LTBP1: variants seen among roughly 807,000 people sequenced by gnomAD.
LTBP1 encodes the protein latent transforming growth factor beta binding protein 1.
LTBP1 carries 129 observed loss-of-function variants against 207.6 expected under a neutral mutation model. The ratio of observed to expected loss-of-function variants is 0.62; its 90% CI spans 0.54 to 0.72. LTBP1 has a LOEUF of 0.72. Among genes scored for constraint, LTBP1 ranks in the 30% least tolerant of loss-of-function variants. The pLI is 0.00. For synonymous variants in LTBP1, 963 were observed against 833.7 expected, an observed-to-expected ratio of 1.16 and a Z score of -2.67; for missense variants, 2,281 against 2,217.2, an observed-to-expected ratio of 1.03 and a Z score of -0.58.
chr2:33,228,168 A>G (rs1346848805), intron 9 of LTBP1, among the ~76,000 whole-genome samples: 2 of 152,184 alleles, frequency 1.3e-5, no homozygotes, highest in Admixed American at 6.5e-5. Flanking sequence ...AATAAAACCA[A>G]CATATTTGTA....
At chr2:33,342,173 A>C (rs188347102) in intron 24 of LTBP1, among the ~76,000 whole-genome samples, 1 of 152,246 alleles carries the variant, frequency 6.6e-6, no homozygotes, top group Non-Finnish European at 1.5e-5. Context: ...TGAGAAAAAA[A>C]GGCAGAAGAT....
chr2:33,220,643 G>GA (rs2091044388), intron 8 of LTBP1, among the ~76,000 whole-genome samples: 1 of 152,206 alleles, frequency 6.6e-6, no homozygotes, highest in Non-Finnish European at 1.5e-5. Flanking sequence ...GATGACTGCT[G>GA]AAAGTTCTAA....
At chr2:33,096,556 A>G (rs912351074) in intron 3 of LTBP1, among the ~76,000 whole-genome samples, 11 of 152,336 alleles carry the variant, frequency 7.2e-5, no homozygotes, top group Middle Eastern at 3.4e-3. Flanking sequence ...AAGAACGACA[A>G]CAGGATCATT....
Position 32,947,166 on chromosome 2 carries a change from C to A in LTBP1, c.-159C>A, listed in dbSNP as rs1242572108. On this transcript the variant is annotated 5_prime_UTR_variant, in exon 1 of 34. Transcript: ENST00000404816. Reference sequence around the variant, plus strand: ...CGGGGTCTGGGGCCGCTCAGCTGCCCGCAGAGCCTCCTCCCTCGCCACCGA... The same window carrying A: ...CGGGGTCTGGGGCCGCTCAGCTGCCAGCAGAGCCTCCTCCCTCGCCACCGA... 3.6e-5 allele frequency: 16 copies of A among 445,792 alleles called. No homozygotes were observed. Among genetic ancestry groups the A allele is most frequent in the African/African-American group, 2.9e-4 (14 of 48,574 alleles). The allele number at this position is 445,792 out of a possible 1,614,324, so 27.6% of individuals were successfully genotyped here.
At chr2:33,024,078 TATTC>T (rs2075301609) in intron 3 of LTBP1, among the ~76,000 whole-genome samples, 1 of 152,254 alleles carries the variant, frequency 6.6e-6, no homozygotes, top group Non-Finnish European at 1.5e-5. Flanking sequence ...CTTGATCACT[TATTC>T]AACAAGTTTT....
intron 31 of LTBP1, among the ~76,000 whole-genome samples, chr2:33,376,518 CCT>C (rs2095141425): frequency 6.6e-6 from 1 of 152,218 alleles, no homozygotes. Flanking sequence ...GGACCTGCAT[CCT>C]CTCAGTAATG....
intron 19 of LTBP1, among the ~76,000 whole-genome samples, chr2:33,289,604 A>G (rs2093734419): frequency 6.6e-6 from 1 of 152,182 alleles, no homozygotes; most frequent in Admixed American, 6.5e-5. Flanking sequence ...GTCCTCAAGC[A>G]GCCCTCCCAC....
intron 3 of LTBP1, among the ~76,000 whole-genome samples, chr2:33,057,415 G>A (rs403970): frequency 0.88 from 134,577 of 152,196 alleles, 61,639 homozygotes; most frequent in East Asian, 1. Flanking sequence ...CCAGTCCCGC[G>A]CCATGCGCCT....
chr2:33,108,204 T>A (rs760202789), intron 3 of LTBP1, among the ~76,000 whole-genome samples: 78 of 151,778 alleles, frequency 5.1e-4, no homozygotes, highest in Non-Finnish European at 6.2e-4. Flanking sequence ...GTCCTGTCCG[T>A]GGCCTTGCTT....
At chr2:33,346,332 A>G (rs2094700582) in intron 25 of LTBP1, among the ~76,000 whole-genome samples, 1 of 152,214 alleles carries the variant, frequency 6.6e-6, no homozygotes, top group Non-Finnish European at 1.5e-5. Context: ...AAAGTTTTTA[A>G]GTGAACTTAA....
chr2:33,343,139 C>T (rs2094651442), intron 25 of LTBP1, among the ~76,000 whole-genome samples, 176 bp downstream of exon 25: 1 of 152,056 alleles, frequency 6.6e-6, no homozygotes, highest in Non-Finnish European at 1.5e-5. Flanking sequence ...GCATGGCTCA[C>T]GGTTGTAACC....
At chr2:33,119,615 G>A (rs944098566) in intron 4 of LTBP1, among the ~76,000 whole-genome samples, 5 of 152,134 alleles carry the variant, frequency 3.3e-5, no homozygotes, top group Non-Finnish European at 7.4e-5. Context: ...GGAGTGGAGT[G>A]GTGCGATCTT....
rs768138369 is a variant in LTBP1, at chr2:33,134,734, G to C, written c.1034-59G>C. ...TGTTTTTTTAAACCTTCCAAGGCAA[G>C]TTCATGGATACTAAGCTGATGTGTT... On this transcript the variant is annotated intron_variant, in intron 4 of 33. Transcript: ENST00000404816. This position sits in a 1 kb window ranked among gnomAD's most constrained non-coding sequence, Gnocchi z 4.4. 1.2e-6 allele frequency: 2 copies of C among 1,613,710 alleles called. No individual in the cohort carries two copies. Among genetic ancestry groups the C allele is most frequent in the South Asian group, 1.1e-5 (1 of 90,950 alleles).
chr2:33,262,207 G>C (rs1304328576), intron 13 of LTBP1, among the ~76,000 whole-genome samples: 2 of 152,228 alleles, frequency 1.3e-5, no homozygotes, highest in Non-Finnish European at 2.9e-5. Flanking sequence ...AAAGTTATCA[G>C]ACGTGAGGTT....
At chr2:32,959,567 GTGTGTA>G (rs1678670233) in intron 2 of LTBP1, among the ~76,000 whole-genome samples, 1 of 140,112 alleles carries the variant, frequency 7.1e-6, no homozygotes, top group Non-Finnish European at 1.5e-5. Flanking sequence ...GTGTGTGTGT[GTGTGTA>G]TGTATATGTA....
intron 7 of LTBP1, among the ~76,000 whole-genome samples, chr2:33,207,524 A>G (rs1430064464): frequency 6.6e-6 from 1 of 152,200 alleles, no homozygotes; most frequent in African/African-American, 2.4e-5. Context: ...AAAGAAAAAA[A>G]CCTTGCCTAT....
chr2:33,249,579 G>A (rs1040373296), intron 10 of LTBP1, among the ~76,000 whole-genome samples: 1 of 152,064 alleles, frequency 6.6e-6, no homozygotes, highest in African/African-American at 2.4e-5. Context: ...GTTATGATTT[G>A]GTACTATACT....
chr2:33,230,132 C>T (rs1331808116), intron 9 of LTBP1, among the ~76,000 whole-genome samples: 1 of 152,168 alleles, frequency 6.6e-6, no homozygotes, highest in Non-Finnish European at 1.5e-5. Flanking sequence ...TCAAAAGGAG[C>T]CCATTTAGCA....
At chr2:33,067,866 C>A (rs2077597356) in intron 3 of LTBP1, among the ~76,000 whole-genome samples, 1 of 152,078 alleles carries the variant, frequency 6.6e-6, no homozygotes, top group African/African-American at 2.4e-5. Flanking sequence ...AAGGAAATTT[C>A]TATAATTCAA....
Sources: allele counts gnomAD v4.1 joint callset (sites outside exome capture counted in the v4.1 genomes callset), GRCh38; gene constraint gnomAD v4.1.1; non-coding constraint Gnocchi (gnomAD v3.1); transcripts MANE v1.5; gene names NCBI Gene and HGNC (gene_info 2026-07-23, HGNC 2026-07-21).